The following STPG2 variants were observed in gnomAD, a reference collection of about 807,000 sequenced individuals.
STPG2 encodes sperm tail PG-rich repeat containing 2, also known as sperm-tail PG-rich repeat-containing protein 2.
In STPG2, 56 loss-of-function variants were observed where a neutral mutation model predicts 54.2. The ratio of observed to expected loss-of-function variants is 1.03; its 90% CI spans 0.83 to 1.29. The LOEUF is 1.29. STPG2 is among the 50% of genes most tolerant of loss of function. The pLI, the probability that STPG2 is intolerant of heterozygous loss-of-function variation, is 0.00. For synonymous variants in STPG2, 200 were observed against 181.8 expected, an observed-to-expected ratio of 1.10 and a Z score of -0.81; for missense variants, 596 against 544.9, an observed-to-expected ratio of 1.09 and a Z score of -0.93.
At chr4:97,813,801 C>A (rs1196547968) in intron 9 of STPG2, among the ~76,000 whole-genome samples, 1 of 141,210 alleles carries the variant, frequency 7.1e-6, no homozygotes, top group Non-Finnish European at 1.5e-5. Context: ...AGCATTACAA[C>A]AACTTTATGA....
At chr4:97,841,789 T>C (rs1728809715) in intron 8 of STPG2, among the ~76,000 whole-genome samples, 1 of 151,830 alleles carries the variant, frequency 6.6e-6, no homozygotes, top group African/African-American at 2.4e-5. Context: ...TCTGTGTTCC[T>C]GAGTTTTTGC....
intron 10 of STPG2, among the ~76,000 whole-genome samples, chr4:97,630,420 A>AT (rs901010341): frequency 6.6e-6 from 1 of 151,840 alleles, no homozygotes; most frequent in South Asian, 2.1e-4. Flanking sequence ...AATCAGATCA[A>AT]TTTTTTTAAA....
At chr4:98,093,801 G>A (rs1048106412) in intron 5 of STPG2, among the ~76,000 whole-genome samples, 3 of 152,190 alleles carry the variant, frequency 2.0e-5, no homozygotes, top group African/African-American at 7.2e-5. Context: ...CCCTGTCAGA[G>A]TGGAGAATAA....
At chr4:97,926,931 T>C (rs1732351329) in intron 8 of STPG2, among the ~76,000 whole-genome samples, 1 of 151,992 alleles carries the variant, frequency 6.6e-6, no homozygotes, top group Admixed American at 6.6e-5. Context: ...CACAGTGAAA[T>C]AAATGTTGTA....
At chr4:97,575,873 C>A (rs1732710175) in intron 10 of STPG2, among the ~76,000 whole-genome samples, 1 of 152,116 alleles carries the variant, frequency 6.6e-6, no homozygotes, top group Admixed American at 6.5e-5. Flanking sequence ...AGCCTAATGG[C>A]TCTGCCAAAG....
In STPG2 at chr4:97,895,553, A is replaced by T. The variant is rs530688843; in HGVS notation, c.1044+48344T>A. On this transcript the variant is annotated intron_variant, in intron 8 of 10. Coordinates refer to ENST00000295268, the MANE Select transcript of STPG2 (RefSeq NM_174952.3). The stretch of plus-strand genomic sequence containing the variant: ...GTTTGCATGATTCCCTTTTTTTTCC[A>T]ATTTTGCTAACAAATTGAACTTAAT... 4.0e-5 allele frequency among the ~76,000 whole-genome samples: 6 copies of T among 151,798 alleles called. No homozygotes were observed. The South Asian group carries it at 8.3e-4, about 21-fold the overall frequency.
chr4:97,742,171 A>T (rs1352358985), intron 9 of STPG2, among the ~76,000 whole-genome samples: 1 of 151,888 alleles, frequency 6.6e-6, no homozygotes, highest in African/African-American at 2.4e-5. Context: ...CAATGAGAAC[A>T]CATGGACACA....
intron 8 of STPG2, among the ~76,000 whole-genome samples, chr4:97,924,900 G>C (rs1241359062): frequency 6.6e-6 from 1 of 152,118 alleles, no homozygotes; most frequent in East Asian, 1.9e-4. Flanking sequence ...ACAATGACTT[G>C]TTGATACAAA....
chr4:97,461,470 G>C (rs1729661578), intron 4 of STPG2, among the ~76,000 whole-genome samples: 2 of 152,160 alleles, frequency 1.3e-5, no homozygotes, highest in African/African-American at 4.8e-5. Flanking sequence ...CTATGAAGAG[G>C]CCAGAGAGCT....
chr4:97,801,841 A>G (rs913789599), intron 9 of STPG2, among the ~76,000 whole-genome samples: 6 of 152,112 alleles, frequency 3.9e-5, no homozygotes, highest in Admixed American at 2.6e-4. Context: ...ATTCTCTGCA[A>G]TGCCATCAAT....
At chr4:97,945,767 G>A (rs1334033774) in intron 7 of STPG2, among the ~76,000 whole-genome samples, 2 of 151,960 alleles carry the variant, frequency 1.3e-5, no homozygotes, top group Non-Finnish European at 2.9e-5. Flanking sequence ...TTTTAACACT[G>A]GCCATTCTTG....
chr4:97,554,566 A>T (rs1217258580), downstream of STPG2, among the ~76,000 whole-genome samples: 1 of 152,034 alleles, frequency 6.6e-6, no homozygotes, highest in Non-Finnish European at 1.5e-5. Context: ...GTTAAATCTA[A>T]GCTTCTTGTC....
chr4:97,445,360 T>C (rs1178162773), intron 4 of STPG2, among the ~76,000 whole-genome samples: 2 of 152,172 alleles, frequency 1.3e-5, no homozygotes, highest in Non-Finnish European at 2.9e-5. Flanking sequence ...TTCTAAATTA[T>C]GAATGTTCTA....
At chr4:97,493,732 A>T (rs947792693) in intron 4 of STPG2, among the ~76,000 whole-genome samples, 2 of 151,602 alleles carry the variant, frequency 1.3e-5, no homozygotes. Context: ...GATGTACTAA[A>T]GGAGATACTG....
At chr4:97,751,320 A>G (rs1053100259) in intron 9 of STPG2, among the ~76,000 whole-genome samples, 1 of 151,786 alleles carries the variant, frequency 6.6e-6, no homozygotes, top group African/African-American at 2.4e-5. Context: ...TTGTAAGTGT[A>G]ACAGTTTTTC....
chr4:97,737,089 C>G (rs1347226105), intron 9 of STPG2, among the ~76,000 whole-genome samples: 5 of 152,162 alleles, frequency 3.3e-5, no homozygotes, highest in African/African-American at 1.2e-4. Context: ...CTGCTGGAAC[C>G]CAGGCAACCA....
chr4:97,444,566 T>C (rs1409843651), intron 4 of STPG2, among the ~76,000 whole-genome samples: 1 of 152,196 alleles, frequency 6.6e-6, no homozygotes, highest in Non-Finnish European at 1.5e-5. Context: ...GAAATAAAGA[T>C]GTTTTCAGAC....
At chr4:97,504,359 A>G (rs1730801793) in intron 4 of STPG2, among the ~76,000 whole-genome samples, 1 of 151,376 alleles carries the variant, frequency 6.6e-6, no homozygotes, top group Non-Finnish European at 1.5e-5. Flanking sequence ...TTTATAGTCT[A>G]CTCAACTGAT....
intron 5 of STPG2, among the ~76,000 whole-genome samples, chr4:98,100,930 C>A (rs1201610578): frequency 6.6e-5 from 10 of 152,076 alleles, no homozygotes; most frequent in Non-Finnish European, 1.5e-4. Flanking sequence ...CCCACCTTGG[C>A]CTCCCAAAGT....
Sources: gnomAD v4.1 joint callset for allele counts (sites outside exome capture counted in the v4.1 genomes callset) on GRCh38, gnomAD v4.1.1 for gene constraint, MANE v1.5 for transcripts, NCBI Gene and HGNC (gene_info 2026-07-23, HGNC 2026-07-21) for gene names.